The following POU3F3 variants were observed in gnomAD, a reference collection of about 807,000 sequenced individuals.
The protein encoded by POU3F3 is POU class 3 homeobox 3.
POU3F3 carries 1 observed loss-of-function variant against 8.6 expected under a neutral mutation model. The ratio of observed to expected loss-of-function variants is 0.12; its 90% confidence interval spans 0.04 to 0.55. The LOEUF is 0.55. POU3F3 is among the 20% of genes least tolerant of loss of function. The probability of loss-of-function intolerance (pLI) is 0.91; values close to 1 mark genes in which losing one functional copy is unlikely to be tolerated. For missense variants in POU3F3, 577 were observed against 690.7 expected (o/e 0.84, Z 1.84); for synonymous variants, 418 against 327.4 (o/e 1.28, Z -2.99).
At chr2:104,877,660 C>CTTTTTTTTTT in the POU3F3 span, among the ~76,000 whole-genome samples, 1 of 138,836 alleles carries the variant, frequency 7.2e-6, no homozygotes, top group Non-Finnish European at 1.6e-5. Flanking sequence ...TTCTTTTTTT[C>CTTTTTTTTTT]TTTTTTTTTT....
the POU3F3 span, among the ~76,000 whole-genome samples, chr2:104,912,280 G>T: frequency 3.5e-4 from 54 of 152,312 alleles, no homozygotes; most frequent in African/African-American, 1.3e-3. Context: ...GGGAAGGAGG[G>T]AGTTTGGGGC....
At chr2:104,917,805 T>TG in the POU3F3 span, among the ~76,000 whole-genome samples, 1 of 152,148 alleles carries the variant, frequency 6.6e-6, no homozygotes, top group African/African-American at 2.4e-5. Context: ...CCTCCCTTGC[T>TG]GGGGGGTTGC....
At chr2:104,880,771 C>T in the POU3F3 span, among the ~76,000 whole-genome samples, 1 of 152,160 alleles carries the variant, frequency 6.6e-6, no homozygotes, top group East Asian at 1.9e-4. Context: ...CTCAGCAATG[C>T]CCGAGAGCAC....
the POU3F3 span, among the ~76,000 whole-genome samples, chr2:104,873,910 A>G: frequency 6.6e-6 from 1 of 152,320 alleles, no homozygotes; most frequent in Admixed American, 6.5e-5. Context: ...CAGAAGAGGA[A>G]GGATCGTTTT....
chr2:104,906,331 CAGT>C, the POU3F3 span, among the ~76,000 whole-genome samples: 1 of 152,150 alleles, frequency 6.6e-6, no homozygotes, highest in Admixed American at 6.5e-5. Flanking sequence ...GACAATGGAT[CAGT>C]AGCTGGGTTT....
At chr2:104,865,822 T>A in the POU3F3 span, 9 of 152,272 alleles carry the variant, frequency 5.9e-5, no homozygotes, top group Middle Eastern at 3.4e-3. Flanking sequence ...TTTCCAAGGT[T>A]GAAAACTCTC....
the POU3F3 span, among the ~76,000 whole-genome samples, chr2:104,907,915 G>A: frequency 6.6e-6 from 1 of 152,036 alleles, no homozygotes; most frequent in South Asian, 2.1e-4. Context: ...ATGGATACTG[G>A]AATGAATGTG....
chr2:104,912,157 G>A, the POU3F3 span, among the ~76,000 whole-genome samples: 1 of 152,172 alleles, frequency 6.6e-6, no homozygotes, highest in Admixed American at 6.5e-5. Context: ...TTTGATTGCC[G>A]TCACTGCACA....
the POU3F3 span, among the ~76,000 whole-genome samples, chr2:104,881,842 C>T: frequency 7.7e-4 from 117 of 152,312 alleles, no homozygotes; most frequent in Non-Finnish European, 9.7e-4. Flanking sequence ...AACTCTCCCT[C>T]GGCCTCAGAC....
At chr2:104,889,911 T>G in the POU3F3 span, among the ~76,000 whole-genome samples, 1 of 151,874 alleles carries the variant, frequency 6.6e-6, no homozygotes, top group Non-Finnish European at 1.5e-5. Context: ...TCTTGTAAGT[T>G]TTTTTTTTCA....
At chr2:104,893,764 T>G in the POU3F3 span, among the ~76,000 whole-genome samples, 3 of 150,912 alleles carry the variant, frequency 2.0e-5, no homozygotes, top group Non-Finnish European at 4.4e-5. Context: ...GTGCCTGTAA[T>G]CCCAGCTACT....
the POU3F3 span, among the ~76,000 whole-genome samples, chr2:104,887,581 C>CA: frequency 6.6e-5 from 10 of 152,198 alleles, no homozygotes; most frequent in African/African-American, 2.4e-4. Flanking sequence ...TGATTGTCCC[C>CA]AGCCCAGAGC....
At chr2:104,868,891 T>C in the POU3F3 span, among the ~76,000 whole-genome samples, 1 of 152,206 alleles carries the variant, frequency 6.6e-6, no homozygotes, top group African/African-American at 2.4e-5. Context: ...AGATTTTCTA[T>C]GTGTGTGTGG....
chr2:104,863,444 G>A (rs879306364), downstream of POU3F3, among the ~76,000 whole-genome samples: 1 of 152,110 alleles, frequency 6.6e-6, no homozygotes, highest in Non-Finnish European at 1.5e-5. Flanking sequence ...ATGCCTGTGG[G>A]TCTCTGCGCG....
At chr2:104,909,085 G>A in the POU3F3 span, among the ~76,000 whole-genome samples, 3 of 152,156 alleles carry the variant, frequency 2.0e-5, no homozygotes, top group Non-Finnish European at 4.4e-5. Context: ...AAATTATTTA[G>A]TTATTCTGAA....
the POU3F3 span, among the ~76,000 whole-genome samples, chr2:104,910,910 ATATAG>A: frequency 1.8e-4 from 28 of 152,364 alleles, no homozygotes; most frequent in Non-Finnish European, 3.8e-4. Context: ...AAATTTAAAA[ATATAG>A]TATAACAACA....
At chr2:104,877,489 G>A in the POU3F3 span, among the ~76,000 whole-genome samples, 2 of 151,948 alleles carry the variant, frequency 1.3e-5, no homozygotes, top group African/African-American at 2.4e-5. Flanking sequence ...GGTGGAGTGT[G>A]CGCTAATGCC....
chr2:104,857,897 G>A lies in POU3F3; in HGVS notation c.*884G>A, dbSNP rs184402865. 3 of 152,348 alleles carry A rather than the reference G, an allele frequency of 2.0e-5. No individual in the cohort carries two copies. The highest frequency in any genetic ancestry group is 7.2e-5 in the African/African-American group (3 of 41,566). The allele number at this position is 152,348 out of a possible 1,614,324, so 9.4% of individuals were successfully genotyped here. A position where few individuals can be genotyped will look rare whatever the true frequency, so the allele number is the denominator to read the frequency against. On this transcript the variant is annotated 3_prime_UTR_variant, in exon 1 of 1. Coordinates refer to ENST00000361360, the MANE Select transcript of POU3F3 (RefSeq NM_006236.3). ...AGGGAGAGGGGGAACGTCCGCTGAG[G>A]AGTGGCGAGAGGCCCCGGCCGAGTC...
At chr2:104,861,619 A>G (rs78488095), downstream of POU3F3, among the ~76,000 whole-genome samples, 3,029 of 152,276 alleles carry the variant, frequency 0.02, 70 homozygotes, top group East Asian at 0.14. Flanking sequence ...TAGACTGAAG[A>G]AAAAAAATTA....
Sources: allele counts gnomAD v4.1 joint callset (sites outside exome capture counted in the v4.1 genomes callset), GRCh38; gene constraint gnomAD v4.1.1; transcripts MANE v1.5; gene names NCBI Gene and HGNC (gene_info 2026-07-23, HGNC 2026-07-21).